Variants in DNAH9 observed in about 807,000 individuals in gnomAD.
DNAH9 encodes the protein DNAH9 variant protein.
A neutral mutation model predicts 471.6 loss-of-function variants in DNAH9; 345 were observed. The observed-to-expected ratio is 0.73, with a 90% CI of 0.67 to 0.80. DNAH9 has a LOEUF of 0.80. Among genes scored for constraint, DNAH9 ranks in the 30% least tolerant of loss-of-function variants. DNAH9 has a pLI of 0.00. For missense variants in DNAH9, 5,407 were observed against 5,609.2 expected (o/e 0.96, Z 1.15); for synonymous variants, 2,093 against 2,123.6 (o/e 0.99, Z 0.40).
chr17:11,921,755 A>G (rs1974145930), intron 61 of DNAH9, among the ~76,000 whole-genome samples: 1 of 152,046 alleles, frequency 6.6e-6, no homozygotes, highest in Non-Finnish European at 1.5e-5. Context: ...TGTTTCCAAG[A>G]TCCATTTCTT....
At chr17:11,881,099 G>A (rs889610861) in intron 54 of DNAH9, 110 bp from the exon 55 acceptor site, 2 of 986,418 alleles carry the variant, frequency 2.0e-6, no homozygotes, top group Non-Finnish European at 3.2e-6. Flanking sequence ...CTAGACATAG[G>A]AGGAATCCAT....
In DNAH9 at chr17:11,669,463, A is replaced by G. The variant is rs767114727; in HGVS notation, c.3022A>G (p.Ser1008Gly). ...RMMGLCCGYQ[S>G]TFSQYSYLYV... ...GATGGGCCTCTGCTGTGGCTATCAG[A>G]GCACCTTCAGCCAGTATTCGTACCT... The change falls in exon 17 of 69, where the codon AGC becomes GGC. Residue 1008 changes from serine (S) to glycine (G), a missense_variant. Physicochemically the swap from Ser to Gly is moderately conservative, Grantham distance 56. Around this residue, in one of 3 missense-constraint regions of DNAH9, gnomAD observed 4,636 missense variants for 4,900.3 expected, o/e 0.95. Transcript: ENST00000262442. The G allele has an allele frequency of 4.3e-6, 7 of 1,613,964 alleles. No individual in the cohort carries two copies. Among genetic ancestry groups the G allele is most frequent in the South Asian group, 3.3e-5 (3 of 91,086 alleles).
intron 67 of DNAH9, among the ~76,000 whole-genome samples, chr17:11,949,324 G>T (rs1975268576): frequency 3.3e-5 from 5 of 152,168 alleles, no homozygotes; most frequent in Admixed American, 3.3e-4. Context: ...ATTTTCTTGA[G>T]CGAAGGGTCC....
At chr17:11,746,763 C>T (rs573717426) in intron 31 of DNAH9, among the ~76,000 whole-genome samples, 9 of 152,276 alleles carry the variant, frequency 5.9e-5, no homozygotes, top group Admixed American at 5.2e-4. Context: ...AAAAGCAGTC[C>T]TTCAAAGTTT....
intron 35 of DNAH9, among the ~76,000 whole-genome samples, chr17:11,762,775 T>TG (rs1215365391): frequency 1.4e-4 from 16 of 112,130 alleles, no homozygotes; most frequent in Middle Eastern, 4.2e-3. Flanking sequence ...TTTTTGTTTT[T>TG]TTTTTTTTTT....
chr17:11,969,224 C>CTGCT (rs1057210694), intron 68 of DNAH9, 76 bp from the exon 69 acceptor site: 4 of 1,319,870 alleles, frequency 3.0e-6, no homozygotes, highest in East Asian at 4.6e-5. Flanking sequence ...TCCCTTGGAT[C>CTGCT]TGCTGACAAG....
In DNAH9 at chr17:11,694,655, TCG is replaced by T. The variant is rs1567724636; in HGVS notation, c.4872+210_4872+211del. Among the ~76,000 whole-genome samples, 20 of 3,676 alleles carry T rather than the reference TCG, an allele frequency of 5.4e-3. 1 individual carries two copies. The highest frequency in any genetic ancestry group is 0.014 in the Non-Finnish European group (4 of 282). The allele number at this position is 3,676 out of a possible 152,430, so 2.4% of individuals were successfully genotyped here. ...CTTGCTTTCTTGCTTTCTCGCTTTC[TCG>T]CTTTCTCGCTTTCTCGCTTTCTCGC... On this transcript the variant is annotated intron_variant, in intron 22 of 68. Coordinates refer to ENST00000262442, the MANE Select transcript of DNAH9 (RefSeq NM_001372.4).
intron 6 of DNAH9, among the ~76,000 whole-genome samples, chr17:11,620,277 G>A (rs2072829431): frequency 6.6e-6 from 1 of 152,098 alleles, no homozygotes; most frequent in Admixed American, 6.6e-5. Context: ...CATTTGGGGA[G>A]GCCAAGGCAG....
At position 11,749,064 on chromosome 17, in the gene DNAH9, G is replaced by A. The variant is rs12945361; in HGVS notation, c.6610+1298G>A. 2.2e-3 allele frequency among the ~76,000 whole-genome samples: 55 copies of A among 25,424 alleles called. 1 individual carries two copies. The highest frequency in any genetic ancestry group is 7.0e-3 in the Admixed American group (13 of 1,848). The allele number at this position is 25,424 out of a possible 152,430, so 16.7% of individuals were successfully genotyped here. ...GTTTTTCTTACCAATTTTTAAGAGG[G>A]TTTTTTTTTGTTTTTTTTTTTGTTT... On this transcript the variant is annotated intron_variant, in intron 32 of 68. Coordinates refer to ENST00000262442, the MANE Select transcript of DNAH9 (RefSeq NM_001372.4).
At chr17:11,714,504 A>C (rs1311435173) in intron 26 of DNAH9, among the ~76,000 whole-genome samples, 4 of 152,148 alleles carry the variant, frequency 2.6e-5, no homozygotes, top group Admixed American at 6.5e-5. Flanking sequence ...ATGGTTATTG[A>C]ACCATGTGGT....
At chr17:11,666,371 C>T (rs536465728) in intron 15 of DNAH9, among the ~76,000 whole-genome samples, 58 of 152,270 alleles carry the variant, frequency 3.8e-4, no homozygotes, top group East Asian at 1.5e-3. Context: ...CTGGGCTATC[C>T]GATGTGCCAT....
chr17:11,615,509 A>T lies in DNAH9; in HGVS notation c.905-1902A>T, dbSNP rs1430386787. 5.3e-5 allele frequency among the ~76,000 whole-genome samples: 8 copies of T among 151,892 alleles called. No individual in the cohort carries two copies. The East Asian group carries it at 1.5e-3, about 29-fold the overall frequency. ...CTGAGGCAGGAGAATAGACTAAACCAAGGAGGCAGAGGTTGCAGTGAGCCA... is the reference window on the plus strand; with the variant it reads ...CTGAGGCAGGAGAATAGACTAAACCTAGGAGGCAGAGGTTGCAGTGAGCCA... On this transcript the variant is annotated intron_variant, in intron 4 of 68. Transcript: ENST00000262442.
intron 38 of DNAH9, among the ~76,000 whole-genome samples, chr17:11,773,516 T>C (rs1039624775): frequency 6.6e-6 from 1 of 151,978 alleles, no homozygotes; most frequent in East Asian, 1.9e-4. Flanking sequence ...AAGAAATATA[T>C]AAAAATTTAC....
At chr17:11,691,647 AGTG>A in intron 20 of DNAH9, among the ~76,000 whole-genome samples, 2 of 152,310 alleles carry the variant, frequency 1.3e-5, no homozygotes, top group African/African-American at 4.8e-5. Context: ...AATTGCTCTC[AGTG>A]TAATTATAAT....
chr17:11,902,814 G>A lies in DNAH9; in HGVS notation c.11502G>A (p.Glu3834=), dbSNP rs746414125. The A allele has an allele frequency of 1.2e-6, 2 of 1,614,072 alleles. No homozygotes were observed. Among genetic ancestry groups the A allele is most frequent in the South Asian group, 2.2e-5 (2 of 91,082 alleles). The change falls in exon 60 of 69, where the codon GAG becomes GAA. Residue 3834 remains glutamate, a synonymous_variant. Transcript: ENST00000262442. ...WKKFVESECP[E]KEKLPQEWKN... Reference sequence around the variant, plus strand: ...AGTTTGTGGAGTCCGAATGTCCTGAGAAAGAGAAGCTCCCACAGGAGTGGA... The same window carrying A: ...AGTTTGTGGAGTCCGAATGTCCTGAAAAAGAGAAGCTCCCACAGGAGTGGA...
intron 30 of DNAH9, among the ~76,000 whole-genome samples, chr17:11,742,819 A>G (rs2150836915): frequency 6.6e-6 from 1 of 152,336 alleles, no homozygotes; most frequent in African/African-American, 2.4e-5. Flanking sequence ...TGTCAAGGAT[A>G]GATGACCAAG....
At chr17:11,701,730 G>A (rs984255089) in intron 24 of DNAH9, among the ~76,000 whole-genome samples, 1 of 152,148 alleles carries the variant, frequency 6.6e-6, no homozygotes, top group African/African-American at 2.4e-5. Context: ...CCAGGCTGAA[G>A]TGCAGTGCCA....
At chr17:11,865,043 G>A (rs1346646550) in intron 50 of DNAH9, among the ~76,000 whole-genome samples, 1 of 152,100 alleles carries the variant, frequency 6.6e-6, no homozygotes, top group African/African-American at 2.4e-5. Flanking sequence ...ATATTGTTAT[G>A]TGTGAATTTG....
intron 50 of DNAH9, among the ~76,000 whole-genome samples, chr17:11,864,528 T>TCTATTAGGTCC (rs1158188441): frequency 1.3e-5 from 2 of 151,420 alleles, no homozygotes; most frequent in Non-Finnish European, 3.0e-5. Context: ...TCTGTAGATG[T>TCTATTAGGTCC]CTATTAGGTC....
Sources: allele counts gnomAD v4.1 joint callset (sites outside exome capture counted in the v4.1 genomes callset), GRCh38; gene constraint gnomAD v4.1.1; regional missense constraint gnomAD v4.1.1; transcripts MANE v1.5; gene names NCBI Gene and HGNC (gene_info 2026-07-23, HGNC 2026-07-21).